TP53BP1: variants seen among roughly 807,000 people sequenced by gnomAD.
The protein encoded by TP53BP1 is TP53-binding protein 1.
In TP53BP1, 61 loss-of-function variants were observed where a neutral mutation model predicts 200.8. That is an observed-to-expected ratio of 0.30 (90% CI 0.25 to 0.38). The LOEUF (loss-of-function observed/expected upper bound fraction) is 0.38. Among genes scored for constraint, TP53BP1 ranks in the 10% least tolerant of loss-of-function variants. The pLI, the probability that TP53BP1 is intolerant of heterozygous loss-of-function variation, is 1.00. For missense variants in TP53BP1, 2,144 were observed against 2,371.9 expected (o/e 0.90, Z 2.00); for synonymous variants, 822 against 844.3 (o/e 0.97, Z 0.46).
At chr15:43,409,247 T>C in intron 25 of TP53BP1, 151 bp from the exon 26 acceptor site, 1 of 678,762 alleles carries the variant, frequency 1.5e-6, no homozygotes, top group Non-Finnish European at 2.5e-6. Flanking sequence ...GCCACTCTTC[T>C]CACTGGAAGG....
intron 1 of TP53BP1, among the ~76,000 whole-genome samples, chr15:43,509,844 A>C (rs1188412587): frequency 1.3e-5 from 2 of 152,140 alleles, no homozygotes; most frequent in African/African-American, 4.8e-5. Flanking sequence ...AAAAAAACCC[A>C]AAAACCCAAA....
At position 43,409,635 on chromosome 15, in the gene TP53BP1, G is replaced by T; in HGVS notation, c.5400+12C>A. ...TTGCCACTATATTAGGTTACACAAA[G>T]AAACTCCTCACCTGGGCTTCATTGA... On this transcript the variant is annotated intron_variant, in intron 25 of 27. Transcript: ENST00000382044. The T allele has an allele frequency of 6.7e-7, 1 of 1,484,490 alleles. No individual in the cohort carries two copies. The allele number at this position is 1,484,490 out of a possible 1,614,324, so 92.0% of individuals were successfully genotyped here. A position where few individuals can be genotyped will look rare whatever the true frequency, so the allele number is the denominator to read the frequency against.
intron 5 of TP53BP1, among the ~76,000 whole-genome samples, chr15:43,480,495 A>C (rs1038938633): frequency 6.6e-6 from 1 of 152,174 alleles, no homozygotes; most frequent in Non-Finnish European, 1.5e-5. Context: ...TTAAAGATGA[A>C]GGGGGAAAAT....
In TP53BP1 at chr15:43,432,609, G is replaced by A. The variant is rs1202955939; in HGVS notation, c.3260C>T (p.Thr1087Ile). The A allele has an allele frequency of 6.2e-7, 1 of 1,613,550 alleles. No individual in the cohort carries two copies. The highest frequency in any genetic ancestry group is 8.5e-7 in the Non-Finnish European group (1 of 1,179,572). ...CATAGGCTGTTGACTCTGCCTGATT[G>A]TATGGTCACCCTCCAATTTTTCTTT... is the stretch of plus-strand genomic sequence containing the variant. Reference protein sequence around the residue: ...EEKEKLEGDHTIRQSQQPMKP... With the variant: ...EEKEKLEGDHIIRQSQQPMKP... Residue 1087 changes from threonine (T) to isoleucine (I), a missense_variant, in exon 17 of 28, where the codon ACA becomes ATA. Around this residue, in one of 4 missense-constraint regions of TP53BP1, gnomAD observed 1,700 missense variants for 1,710.3 expected, o/e 0.99. Transcript: ENST00000382044.
chr15:43,460,342 C>G (rs536451580), intron 11 of TP53BP1, among the ~76,000 whole-genome samples: 2 of 152,052 alleles, frequency 1.3e-5, no homozygotes, highest in Non-Finnish European at 2.9e-5. Context: ...CTCATTGCAG[C>G]CTTAATGTCT....
rs2046308544 is a variant in TP53BP1, at chr15:43,456,782, C to G, written c.1826G>C (p.Cys609Ser). 1.2e-6 allele frequency: 2 copies of G among 1,614,052 alleles called. No homozygotes were observed. Among genetic ancestry groups the G allele is most frequent in the Non-Finnish European group, 1.7e-6 (2 of 1,180,042 alleles). Reference sequence around the variant, plus strand: ...TGCTACCGTTTCTTCTCTGCCCTTGCAACCAGTGGCTAAAATACTAATGTC... The same window carrying G: ...TGCTACCGTTTCTTCTCTGCCCTTGGAACCAGTGGCTAAAATACTAATGTC... ...RDDISILATG[C>S]KGREETVAED... is the part of the protein sequence containing the mutation. Residue 609 changes from cysteine to serine, a missense_variant, in exon 12 of 28, where the codon TGC becomes TCC. Around this residue, in one of 4 missense-constraint regions of TP53BP1, gnomAD observed 1,700 missense variants for 1,710.3 expected, o/e 0.99. Coordinates refer to ENST00000382044, the MANE Select transcript of TP53BP1 (RefSeq NM_001141980.3).
At chr15:43,422,226 C>T in intron 18 of TP53BP1, 100 bp from the exon 19 acceptor site, 1 of 1,339,916 alleles carries the variant, frequency 7.5e-7, no homozygotes, top group Admixed American at 2.3e-5. Context: ...AATTATAATT[C>T]AAAAAGGTGA....
In TP53BP1 at chr15:43,485,889, T is replaced by C. The variant is rs564041770; in HGVS notation, c.372-4867A>G. On this transcript the variant is annotated intron_variant, in intron 4 of 27. Coordinates refer to ENST00000382044, the MANE Select transcript of TP53BP1 (RefSeq NM_001141980.3). ...TACTCAAAAAAATTTGTAGAATGAT[T>C]AGACAAATCAGAAAAAGCATGAAAT... is the stretch of plus-strand genomic sequence containing the variant. Among the ~76,000 whole-genome samples, 4 of 152,166 alleles carry C rather than the reference T, an allele frequency of 2.6e-5. No homozygotes were observed. The East Asian group carries it at 7.7e-4, about 29-fold the overall frequency.
At chr15:43,414,849 G>A (rs1305416981) in intron 23 of TP53BP1, among the ~76,000 whole-genome samples, 2 of 152,038 alleles carry the variant, frequency 1.3e-5, no homozygotes, top group Non-Finnish European at 2.9e-5. Context: ...GGGACTACAG[G>A]CATGTGCCAC....
At chr15:43,470,780 G>C (rs2046706685) in intron 10 of TP53BP1, among the ~76,000 whole-genome samples, 1 of 152,132 alleles carries the variant, frequency 6.6e-6, no homozygotes, top group Non-Finnish European at 1.5e-5. Flanking sequence ...TTCATCATTT[G>C]TATCCCCTAT....
At chr15:43,479,777 A>G (rs564007753) in intron 6 of TP53BP1, 82 bp downstream of exon 6, 14 of 1,532,522 alleles carry the variant, frequency 9.1e-6, no homozygotes, top group Middle Eastern at 3.5e-4. Flanking sequence ...GGATAGCTGC[A>G]AAACTTATCA....
chr15:43,508,516 C>T (rs951235121), intron 1 of TP53BP1, among the ~76,000 whole-genome samples: 24 of 152,146 alleles, frequency 1.6e-4, no homozygotes, highest in Non-Finnish European at 2.9e-4. Flanking sequence ...TCAAATAATC[C>T]TAGCTACTCC....
intron 24 of TP53BP1, 28 bp from the exon 25 acceptor site, chr15:43,409,769 T>A: frequency 2.5e-6 from 3 of 1,183,958 alleles, no homozygotes; most frequent in Non-Finnish European, 3.6e-6. Flanking sequence ...ACCAAGATAA[T>A]AATTACTGAG....
chr15:43,467,778 T>A (rs1049231871), intron 11 of TP53BP1, among the ~76,000 whole-genome samples: 1 of 151,024 alleles, frequency 6.6e-6, no homozygotes, highest in East Asian at 1.9e-4. Flanking sequence ...TTATAGCTCA[T>A]TCTTAAACTC....
chr15:43,493,155 TC>T lies in TP53BP1; in HGVS notation c.-113del. 1 of 1,550,944 alleles carries T rather than the reference TC, an allele frequency of 6.4e-7. No individual in the cohort carries two copies. Among genetic ancestry groups the T allele is most frequent in the South Asian group, 1.2e-5 (1 of 85,270 alleles). Reference sequence around the variant, plus strand: ...GCCACCGCCGCCACCGGCCGCGAACTCCCCCTTTCCCGTCACGTCACACAAT... The same window carrying T: ...GCCACCGCCGCCACCGGCCGCGAACTCCCCTTTCCCGTCACGTCACACAAT... On this transcript the variant is annotated 5_prime_UTR_variant, in exon 1 of 28. Transcript: ENST00000382044.
intron 17 of TP53BP1, among the ~76,000 whole-genome samples, chr15:43,428,920 G>A (rs374832719): frequency 3.3e-5 from 5 of 152,122 alleles, no homozygotes; most frequent in East Asian, 1.9e-4. Context: ...AATATTTATC[G>A]AATAACTTAA....
At chr15:43,430,280 T>C (rs560047942) in intron 17 of TP53BP1, among the ~76,000 whole-genome samples, 1 of 152,306 alleles carries the variant, frequency 6.6e-6, no homozygotes, top group South Asian at 2.1e-4. Context: ...CTATCTACAC[T>C]GAAGGGGATT....
At position 43,477,777 on chromosome 15, in the gene TP53BP1, C is replaced by A; in HGVS notation, c.789-18G>T. 2.7e-6 allele frequency: 4 copies of A among 1,499,466 alleles called. No homozygotes were observed. Among genetic ancestry groups the A allele is most frequent in the South Asian group, 2.8e-5 (2 of 72,526 alleles). The allele number at this position is 1,499,466 out of a possible 1,614,324, so 92.9% of individuals were successfully genotyped here. On this transcript the variant is annotated intron_variant, in intron 7 of 27. Transcript: ENST00000382044. ...CCTCTGACCTAGGAAATTCATATCA[C>A]CAGGAGAAAAAGTTCCTAAGTTCAA...
At chr15:43,424,019 T>C (rs1041894687) in intron 18 of TP53BP1, among the ~76,000 whole-genome samples, 1 of 152,208 alleles carries the variant, frequency 6.6e-6, no homozygotes, top group Non-Finnish European at 1.5e-5. Context: ...AAATTTCTAC[T>C]AGTCTTCCCC....
Sources: allele counts gnomAD v4.1 joint callset (sites outside exome capture counted in the v4.1 genomes callset), GRCh38; gene constraint gnomAD v4.1.1; regional missense constraint gnomAD v4.1.1; transcripts MANE v1.5; gene names NCBI Gene and HGNC (gene_info 2026-07-23, HGNC 2026-07-21).